GPR137: variants seen among roughly 807,000 people sequenced by gnomAD.
GPR137 encodes G protein-coupled receptor 137.
In GPR137, 20 loss-of-function variants were observed where a neutral mutation model predicts 38.9. The ratio of observed to expected loss-of-function variants is 0.51; its 90% CI spans 0.36 to 0.75. The LOEUF is 0.75. Among genes scored for constraint, GPR137 ranks in the 30% least tolerant of loss-of-function variants. The probability of loss-of-function intolerance (pLI) is 0.00; values close to 1 mark genes in which losing one functional copy is unlikely to be tolerated. For synonymous variants in GPR137, 226 were observed against 235.8 expected, an observed-to-expected ratio of 0.96 and a Z score of 0.38; for missense variants, 456 against 526.4, an observed-to-expected ratio of 0.87 and a Z score of 1.31.
At chr11:64,284,666 G>T, upstream of GPR137, 2 of 1,534,880 alleles carry the variant, frequency 1.3e-6, no homozygotes. Context: ...ACCCGGGCCT[G>T]CCGCCTCCCT....
rs1254731739 is a variant in GPR137 at position 64,288,481 on chromosome 11, TC to T, written c.912+16del. On this transcript the variant is annotated intron_variant, in intron 5 of 6. Transcript: ENST00000438980. This position sits in a 1 kb window ranked among gnomAD's most constrained non-coding sequence, Gnocchi z 5.5. ...CCCACAGGACCTGGTAAGGGTCTGC[TC>T]CCTCTTCTGTGGGGCCAGTGGAGGG... is the stretch of plus-strand genomic sequence containing the variant. The T allele has an allele frequency of 6.2e-7, 1 of 1,612,954 alleles. No homozygotes were observed. The highest frequency in any genetic ancestry group is 8.5e-7 in the Non-Finnish European group (1 of 1,179,926).
At chr11:64,274,658 TA>T (rs1301122866), upstream of GPR137, among the ~76,000 whole-genome samples, 1 of 152,046 alleles carries the variant, frequency 6.6e-6, no homozygotes, top group Non-Finnish European at 1.5e-5. Flanking sequence ...CTGTCTCTAC[TA>T]AAAACACAAA....
upstream of GPR137, chr11:64,285,080 G>A: frequency 9.2e-7 from 1 of 1,087,312 alleles, no homozygotes; most frequent in Non-Finnish European, 1.1e-6. Flanking sequence ...GAAGGCGCTT[G>A]GCACAGCCAC....
upstream of GPR137, chr11:64,285,501 C>T (rs773518715): frequency 1.7e-4 from 168 of 985,122 alleles, no homozygotes; most frequent in Non-Finnish European, 2.0e-4. Flanking sequence ...CGGAAGTTTT[C>T]TTCAGAGACC....
chr11:64,280,896 G>A (rs2033424049), upstream of GPR137, among the ~76,000 whole-genome samples: 1 of 151,022 alleles, frequency 6.6e-6, no homozygotes, highest in Admixed American at 6.6e-5. Context: ...TTGAACTCCT[G>A]ACCTCAAGTG....
upstream of GPR137, among the ~76,000 whole-genome samples, chr11:64,272,190 G>A (rs958937619): frequency 6.6e-6 from 1 of 152,100 alleles, no homozygotes; most frequent in South Asian, 2.1e-4. Flanking sequence ...ATAGTGGCAC[G>A]TGCCTATAGT....
chr11:64,273,436 GTTA>G (rs368285152), upstream of GPR137, among the ~76,000 whole-genome samples: 15 of 152,236 alleles, frequency 9.9e-5, no homozygotes, highest in African/African-American at 3.6e-4. Context: ...TGCACTATGG[GTTA>G]TTATTCAGAG....
upstream of GPR137, chr11:64,284,905 C>T: frequency 7.0e-7 from 1 of 1,430,342 alleles, no homozygotes; most frequent in Middle Eastern, 1.8e-4. Flanking sequence ...TGTGTGGGAG[C>T]AGGAGAGGGA....
At chr11:64,281,868 G>A (rs1020057289), upstream of GPR137, among the ~76,000 whole-genome samples, 13 of 152,160 alleles carry the variant, frequency 8.5e-5, no homozygotes, top group African/African-American at 2.9e-4. Flanking sequence ...CTATAGGTGC[G>A]CGCCACCATG....
chr11:64,288,465 C>T lies in GPR137; in HGVS notation c.909C>T (p.Asp303=). 1 of 1,613,310 alleles carries T rather than the reference C, an allele frequency of 6.2e-7. No homozygotes were observed. The highest frequency in any genetic ancestry group is 1.3e-5 in the African/African-American group (1 of 75,054). The change falls in exon 5 of 7, where the codon GAC becomes GAT. Residue 303 remains aspartate (D), a synonymous_variant. Transcript: ENST00000438980. This position sits in a 1 kb window ranked among gnomAD's most constrained non-coding sequence, Gnocchi z 5.5. The part of the protein sequence containing the change: ...GFFRVHRPPQ[D]LSTSHILNGQ... ...TCCGGGTGCACCGGCCCCCACAGGA[C>T]CTGGTAAGGGTCTGCTCCCTCTTCT...
At chr11:64,276,768 C>T (rs2033096842) in intron 2 of GPR137, 2 of 602,900 alleles carry the variant, frequency 3.3e-6, no homozygotes, top group Middle Eastern at 4.3e-4. Flanking sequence ...GGGTGTGGCT[C>T]CTCCTTGGGT....
chr11:64,285,216 G>C, upstream of GPR137: 2 of 987,770 alleles, frequency 2.0e-6, no homozygotes, highest in Non-Finnish European at 2.4e-6. Context: ...CGCGCCGCCC[G>C]CCTCGGGGGA....
upstream of GPR137, among the ~76,000 whole-genome samples, chr11:64,272,211 C>T (rs200458741): frequency 2.6e-5 from 4 of 151,952 alleles, no homozygotes; most frequent in East Asian, 7.7e-4. Context: ...CCCAGTTACT[C>T]GGGAGGCTGA....
Position 64,286,579 on chromosome 11 carries a change from C to T in GPR137, c.55C>T (p.Pro19Ser), listed in dbSNP as rs2034091004. ...VPAAGLVPAL[P>S]PAVTLGLTAA... Reference sequence around the variant, plus strand: ...TGCTGCCGGGCTGGTGCCTGCGCTGCCACCTGCTGTGACCCTGGGGCTGAC... The same window carrying T: ...TGCTGCCGGGCTGGTGCCTGCGCTGTCACCTGCTGTGACCCTGGGGCTGAC... Residue 19 changes from proline to serine, a missense_variant, in exon 1 of 7, where the codon CCA becomes TCA. Coordinates refer to ENST00000438980, the MANE Select transcript of GPR137 (RefSeq NM_001170880.2). 1.2e-6 allele frequency: 2 copies of T among 1,613,642 alleles called. No homozygotes were observed. Among genetic ancestry groups the T allele is most frequent in the East Asian group, 4.5e-5 (2 of 44,880 alleles).
At position 64,286,805 on chromosome 11, in the gene GPR137, C is replaced by T; in HGVS notation, c.281C>T (p.Pro94Leu). Residue 94 changes from proline (P) to leucine (L), a missense_variant, in exon 1 of 7, where the codon CCC becomes CTC. Physicochemically the swap from Pro to Leu is moderately conservative, Grantham distance 98. Coordinates refer to ENST00000438980, the MANE Select transcript of GPR137 (RefSeq NM_001170880.2). ...CGCGCCAACCGCCTGGGGCCCTTGC[C>T]CTTCTGGCTTCTCTACTGCTGCCCC... ...TPRANRLGPL[P>L]FWLLYCCPVC... The T allele has an allele frequency of 6.2e-7, 1 of 1,604,008 alleles. No individual in the cohort carries two copies. The highest frequency in any genetic ancestry group is 8.5e-7 in the Non-Finnish European group (1 of 1,173,736).
Position 64,286,743 on chromosome 11 carries a change from T to C in GPR137, c.219T>C (p.Arg73=), listed in dbSNP as rs2034116918. 1 of 1,613,228 alleles carries C rather than the reference T, an allele frequency of 6.2e-7. No individual in the cohort carries two copies. Among genetic ancestry groups the C allele is most frequent in the Non-Finnish European group, 8.5e-7 (1 of 1,179,452 alleles). The change falls in exon 1 of 7, where the codon CGT becomes CGC. Residue 73 remains arginine, a synonymous_variant. Coordinates refer to ENST00000438980, the MANE Select transcript of GPR137 (RefSeq NM_001170880.2). ...LALCLLWAAL[R]TTLFSFYFRD... is the part of the protein sequence containing the mutation. ...TCTGTCTGCTCTGGGCCGCCTTGCGTACCACCCTCTTCTCCTTCTACTTCC... is the reference window on the plus strand; with the variant it reads ...TCTGTCTGCTCTGGGCCGCCTTGCGCACCACCCTCTTCTCCTTCTACTTCC...
upstream of GPR137, among the ~76,000 whole-genome samples, chr11:64,280,260 C>T (rs1050107243): frequency 1.1e-4 from 16 of 148,452 alleles, no homozygotes; most frequent in Non-Finnish European, 2.2e-4. Flanking sequence ...GCAGAGCTTG[C>T]AGTGAGCTGA....
chr11:64,274,318 C>T (rs180702686), upstream of GPR137, among the ~76,000 whole-genome samples: 1,515 of 151,336 alleles, frequency 0.01, 10 homozygotes, highest in Non-Finnish European at 0.016. Context: ...ACCCGGGAGG[C>T]GGAGCTTGCA....
Position 64,288,758 on chromosome 11 carries a change from A to ACCCGCCCAC in GPR137, c.1031+43_1031+51dup, listed in dbSNP as rs2034442883. 6.9e-7 allele frequency: 1 copy of ACCCGCCCAC among 1,447,980 alleles called. No homozygotes were observed. Among genetic ancestry groups the ACCCGCCCAC allele is most frequent in the Non-Finnish European group, 9.2e-7 (1 of 1,087,206 alleles). The allele number at this position is 1,447,980 out of a possible 1,614,324, so 89.7% of individuals were successfully genotyped here. The stretch of plus-strand genomic sequence containing the variant: ...GGCACTGCCTCAGTACCCCTGCCCT[A>ACCCGCCCAC]CCCGCCCACCCCGCTGGCTCCATCA... On this transcript the variant is annotated intron_variant, in intron 6 of 6. Transcript: ENST00000438980. This position sits in a 1 kb window ranked among gnomAD's most constrained non-coding sequence, Gnocchi z 5.5.
Sources: gnomAD v4.1 joint callset for allele counts (sites outside exome capture counted in the v4.1 genomes callset) on GRCh38, gnomAD v4.1.1 for gene constraint, Gnocchi (gnomAD v3.1) non-coding constraint, MANE v1.5 for transcripts, NCBI Gene and HGNC (gene_info 2026-07-23, HGNC 2026-07-21) for gene names.